The following NPIPB2 variants were observed in gnomAD, a reference collection of about 807,000 sequenced individuals.
NPIPB2 encodes the protein nuclear pore complex interacting protein family member B2.
Under a neutral mutation model 30.8 loss-of-function variants are expected in NPIPB2, and 27 were observed. The ratio of observed to expected loss-of-function variants is 0.88; its 90% CI spans 0.65 to 1.21. The LOEUF (loss-of-function observed/expected upper bound fraction) is 1.21. Ranked by LOEUF, NPIPB2 falls within the 50% of genes most tolerant of loss-of-function variation. NPIPB2 has a pLI of 0.00. For synonymous variants in NPIPB2, 147 were observed against 162.0 expected (o/e 0.91, Z 0.70); for missense variants, 440 against 446.2 (o/e 0.99, Z 0.13).
At chr16:11,951,433 C>T (rs2055060785) in intron 1 of NPIPB2, among the ~76,000 whole-genome samples, 1 of 124,542 alleles carries the variant, frequency 8.0e-6, no homozygotes, top group Non-Finnish European at 1.6e-5. Flanking sequence ...CACTGCACTC[C>T]AGCCTGGGCG....
At chr16:11,975,349 G>T (rs1596511772) in intron 1 of NPIPB2, among the ~76,000 whole-genome samples, 1 of 147,358 alleles carries the variant, frequency 6.8e-6, no homozygotes, top group African/African-American at 2.5e-5. Flanking sequence ...GGGTTTCACC[G>T]TTTTAGCCGG....
chr16:11,964,102 C>G (rs1158684661), intron 1 of NPIPB2: 3 of 151,568 alleles, frequency 2.0e-5, no homozygotes, highest in African/African-American at 7.3e-5. Flanking sequence ...ATAAATGTAT[C>G]TATCTAGAAT....
chr16:11,974,186 T>C (rs1000155178), intron 1 of NPIPB2, among the ~76,000 whole-genome samples: 7 of 152,192 alleles, frequency 4.6e-5, no homozygotes, highest in African/African-American at 1.7e-4. Context: ...TTTCGGGTAC[T>C]GGTTTCTAAG....
chr16:11,942,684 C>T (rs1204719399), upstream of NPIPB2, among the ~76,000 whole-genome samples: 1 of 151,626 alleles, frequency 6.6e-6, no homozygotes, highest in Non-Finnish European at 1.5e-5. Context: ...AGGTATTTGC[C>T]CACAATACCC....
At chr16:11,976,611 C>T (rs987131633) in exon 1 of NPIPB2, 2 of 369,158 alleles carry the variant, frequency 5.4e-6, no homozygotes. Context: ...CTCTCCACAC[C>T]GGGTCCGGCG....
chr16:11,947,683 C>T (rs1201666664), intron 1 of NPIPB2, among the ~76,000 whole-genome samples: 1 of 151,636 alleles, frequency 6.6e-6, no homozygotes, highest in East Asian at 1.9e-4. Context: ...ATCAGAAATT[C>T]TAGATGAAAA....
At chr16:11,965,488 T>C (rs747538009) in intron 1 of NPIPB2, 1 of 1,610,380 alleles carries the variant, frequency 6.2e-7, no homozygotes, top group African/African-American at 1.3e-5. Flanking sequence ...TATTCATTGG[T>C]GTGAACTATT....
chr16:11,935,621 A>C (rs1450224597), intron 2 of NPIPB2, among the ~76,000 whole-genome samples: 1 of 151,980 alleles, frequency 6.6e-6, no homozygotes, highest in African/African-American at 2.4e-5. Flanking sequence ...GCCTGAAATA[A>C]TATCTTTCAA....
chr16:11,933,915 G>C lies in NPIPB2; in HGVS notation c.202C>G (p.Leu68Val), dbSNP rs757716732. Residue 68 changes from leucine (L) to valine (V), a missense_variant, in exon 3 of 8, where the codon CTG (leucine) becomes GTG (valine). Around this residue, in one of 3 missense-constraint regions of NPIPB2, gnomAD observed 252 missense variants for 233.0 expected, o/e 1.08. Coordinates refer to ENST00000399147, the Ensembl canonical transcript of NPIPB2. Reference sequence around the variant, plus strand: ...TTTTCAGACTGGAAGATAGTCTTCAGGAAAGACAACTAGGAAATAATAATA... The same window carrying C: ...TTTTCAGACTGGAAGATAGTCTTCACGAAAGACAACTAGGAAATAATAATA... The C allele has an allele frequency of 1.9e-5, 30 of 1,543,770 alleles. No individual in the cohort carries two copies. In the South Asian group the frequency reaches 3.2e-4, roughly 17 times the overall value.
At chr16:11,948,628 G>A (rs563936868) in intron 1 of NPIPB2, among the ~76,000 whole-genome samples, 3 of 151,316 alleles carry the variant, frequency 2.0e-5, no homozygotes, top group Non-Finnish European at 4.4e-5. Flanking sequence ...TTAGCCGGGC[G>A]TAGTGGCGGG....
intron 1 of NPIPB2, among the ~76,000 whole-genome samples, chr16:11,954,750 A>G (rs1202120278): frequency 6.6e-6 from 1 of 151,828 alleles, no homozygotes; most frequent in African/African-American, 2.4e-5. Flanking sequence ...TACTAAAAAT[A>G]CAAAAAAATT....
chr16:11,935,673 G>T (rs927819550), intron 2 of NPIPB2, among the ~76,000 whole-genome samples: 1 of 149,756 alleles, frequency 6.7e-6, no homozygotes, highest in Non-Finnish European at 1.5e-5. Flanking sequence ...CTGCACATAG[G>T]ATAAAAAAAA....
chr16:11,959,210 GC>G (rs2055136738), intron 1 of NPIPB2, among the ~76,000 whole-genome samples: 1 of 152,022 alleles, frequency 6.6e-6, no homozygotes. Flanking sequence ...TCACGCAAGG[GC>G]AAACACAGCA....
exon 2 of NPIPB2, chr16:11,937,623 C>T: frequency 6.3e-7 from 1 of 1,599,410 alleles, no homozygotes; most frequent in Non-Finnish European, 8.5e-7. Context: ...GGACTTCCAC[C>T]AAAGTCAGTC....
chr16:11,940,691 C>A (rs1391949511), intron 1 of NPIPB2, among the ~76,000 whole-genome samples: 2 of 130,584 alleles, frequency 1.5e-5, no homozygotes, highest in African/African-American at 5.7e-5. Flanking sequence ...ACCCCGGAAG[C>A]GGAGGTTGCA....
At chr16:11,976,554 G>C (rs1286706523) in intron 1 of NPIPB2, 1 of 358,260 alleles carries the variant, frequency 2.8e-6, no homozygotes, top group Non-Finnish European at 5.0e-6. Context: ...CTCCTCGCGG[G>C]GTCTCGGGTT....
At chr16:11,972,261 T>C (rs1004666884) in intron 1 of NPIPB2, among the ~76,000 whole-genome samples, 3 of 152,100 alleles carry the variant, frequency 2.0e-5, no homozygotes, top group Non-Finnish European at 4.4e-5. Context: ...AGAAAATAGA[T>C]TGTAAATGTT....
At chr16:11,971,680 A>C (rs2055236568) in intron 1 of NPIPB2, among the ~76,000 whole-genome samples, 1 of 151,746 alleles carries the variant, frequency 6.6e-6, no homozygotes, top group Admixed American at 6.6e-5. Flanking sequence ...TTTTTAGTAG[A>C]GATGGGGTTT....
chr16:11,953,758 T>C (rs886824695), intron 1 of NPIPB2, among the ~76,000 whole-genome samples: 7 of 145,356 alleles, frequency 4.8e-5, no homozygotes, highest in South Asian at 4.4e-4. Flanking sequence ...CTCTGTGGTC[T>C]GGGCTGGAAT....
Sources: gnomAD v4.1 joint callset for allele counts (sites outside exome capture counted in the v4.1 genomes callset) on GRCh38, gnomAD v4.1.1 for gene constraint, gnomAD v4.1.1 regional missense constraint, MANE v1.5 for transcripts, NCBI Gene and HGNC (gene_info 2026-07-23, HGNC 2026-07-21) for gene names.